The following CSMD1 variants were observed in gnomAD, a reference collection of about 807,000 sequenced individuals.
The protein encoded by CSMD1 is CUB and sushi domain-containing protein 1.
CSMD1 carries 213 observed loss-of-function variants against 417.5 expected under a neutral mutation model. The ratio of observed to expected loss-of-function variants is 0.51; its 90% confidence interval spans 0.46 to 0.57. The LOEUF (loss-of-function observed/expected upper bound fraction) is 0.57. Ranked by LOEUF, CSMD1 falls within the 20% of genes least tolerant of loss-of-function variation. The pLI is 0.00. For missense variants in CSMD1, 6,923 were observed against 4,529.7 expected, an observed-to-expected ratio of 1.53 and a Z score of -15.17; for synonymous variants, 2,862 against 1,736.8, an observed-to-expected ratio of 1.65 and a Z score of -16.11.
intron 1 of CSMD1, among the ~76,000 whole-genome samples, chr8:4,914,198 A>G (rs2117104205): frequency 6.6e-6 from 1 of 152,352 alleles, no homozygotes; most frequent in South Asian, 2.1e-4. Context: ...ACTCTATAGT[A>G]TTACAGGTGC....
intron 3 of CSMD1, among the ~76,000 whole-genome samples, chr8:4,250,031 T>A (rs1802957896): frequency 6.6e-6 from 1 of 152,108 alleles, no homozygotes; most frequent in African/African-American, 2.4e-5. Flanking sequence ...TACCCATGAA[T>A]AAATTGATGC....
chr8:3,918,939 G>C (rs1211667472), intron 5 of CSMD1, among the ~76,000 whole-genome samples: 1 of 63,964 alleles, frequency 1.6e-5, no homozygotes, highest in Non-Finnish European at 3.9e-5. Context: ...TGGGCTGCTC[G>C]GGTGATGGGT....
intron 2 of CSMD1, among the ~76,000 whole-genome samples, chr8:4,596,303 C>T (rs1800272212): frequency 6.6e-6 from 1 of 152,230 alleles, no homozygotes; most frequent in Non-Finnish European, 1.5e-5. Flanking sequence ...TTAACCCAAG[C>T]TTCAAGATTA....
intron 12 of CSMD1, among the ~76,000 whole-genome samples, chr8:3,451,663 C>T (rs1412386133): frequency 6.6e-6 from 1 of 152,008 alleles, no homozygotes; most frequent in South Asian, 2.1e-4. Context: ...CTGTTCTGTT[C>T]CATTGGTCTA....
intron 3 of CSMD1, among the ~76,000 whole-genome samples, chr8:4,210,258 CTT>C (rs924229077): frequency 1.3e-5 from 2 of 152,218 alleles, no homozygotes; most frequent in African/African-American, 2.4e-5. Context: ...GAGGACTGCT[CTT>C]TGTTTGTTTC....
At chr8:3,030,556 A>T (rs2128977153) in intron 50 of CSMD1, among the ~76,000 whole-genome samples, 1 of 152,136 alleles carries the variant, frequency 6.6e-6, no homozygotes, top group South Asian at 2.1e-4. Flanking sequence ...GGCTCACTGC[A>T]AACTCTACCT....
chr8:4,668,201 C>G (rs1805059673), intron 1 of CSMD1, among the ~76,000 whole-genome samples: 2 of 152,016 alleles, frequency 1.3e-5, no homozygotes, highest in Admixed American at 6.6e-5. Flanking sequence ...TCTGTTATGG[C>G]TTCTGATCCT....
chr8:4,094,082 G>T (rs1276894452), intron 3 of CSMD1, among the ~76,000 whole-genome samples: 2 of 152,086 alleles, frequency 1.3e-5, no homozygotes, highest in Admixed American at 6.6e-5. Flanking sequence ...TGGAAGTGAC[G>T]CTGTGTGGAT....
chr8:3,413,453 C>G (rs370188869), intron 12 of CSMD1, among the ~76,000 whole-genome samples: 1 of 152,184 alleles, frequency 6.6e-6, no homozygotes, highest in Non-Finnish European at 1.5e-5. Flanking sequence ...TGGACAGAAC[C>G]TGTGTTGGAC....
chr8:4,815,139 C>A (rs1585145649), intron 1 of CSMD1, among the ~76,000 whole-genome samples: 3 of 152,172 alleles, frequency 2.0e-5, no homozygotes, highest in Non-Finnish European at 4.4e-5. Flanking sequence ...AGGTCAATAT[C>A]AGGAAGAGTT....
intron 5 of CSMD1, among the ~76,000 whole-genome samples, chr8:3,804,817 T>C (rs1034709587): frequency 6.6e-6 from 1 of 152,208 alleles, no homozygotes; most frequent in African/African-American, 2.4e-5. Flanking sequence ...TATCTAATAA[T>C]TGAGTACAAC....
intron 46 of CSMD1, 102 bp downstream of exon 46, chr8:3,106,426 T>A (rs1816152605): frequency 3.1e-6 from 2 of 648,074 alleles, no homozygotes; most frequent in South Asian, 2.8e-5. Flanking sequence ...AATAAACAAA[T>A]AAATAAGTTC....
At chr8:3,894,234 C>G (rs1390456534) in intron 5 of CSMD1, among the ~76,000 whole-genome samples, 1 of 152,130 alleles carries the variant, frequency 6.6e-6, no homozygotes, top group Non-Finnish European at 1.5e-5. Context: ...GGTATCACAA[C>G]AGCTGTCAAC....
At position 3,278,528 on chromosome 8, in the gene CSMD1, GAAAACA is replaced by G. The variant is rs1584917137; in HGVS notation, c.4153+5610_4153+5615del. On this transcript the variant is annotated intron_variant, in intron 26 of 69. Transcript: ENST00000635120. ...ACACTTAAAACATCAATCATATGAG[GAAAACA>G]TTTCTTTTTGAGTTCTATTTAAAAA... 4 of 152,156 alleles carry G rather than the reference GAAAACA, an allele frequency of 2.6e-5. No individual in the cohort carries two copies. In the East Asian group the frequency reaches 7.7e-4, roughly 29 times the overall value. The allele number at this position is 152,156 out of a possible 1,614,324, so 9.4% of individuals were successfully genotyped here.
intron 1 of CSMD1, among the ~76,000 whole-genome samples, chr8:4,749,518 T>C (rs1486480092): frequency 2.6e-5 from 4 of 152,346 alleles, no homozygotes; most frequent in African/African-American, 9.6e-5. Context: ...AGCACGTGTA[T>C]TATTTTATTT....
chr8:3,834,113 C>G (rs941549549), intron 5 of CSMD1, among the ~76,000 whole-genome samples: 2 of 152,066 alleles, frequency 1.3e-5, no homozygotes, highest in African/African-American at 4.8e-5. Context: ...TTTTGTTTTC[C>G]TTACATTTCT....
rs1269503884 is a variant in CSMD1, at chr8:4,361,054, G to T, written c.415+58899C>A. The stretch of plus-strand genomic sequence containing the variant: ...AATGCTATATTGAAAAGAAAAACTG[G>T]ATTTTTCGTGCCCAACAGATGTTTT... On this transcript the variant is annotated intron_variant, in intron 3 of 69. Transcript: ENST00000635120. 6.6e-5 allele frequency among the ~76,000 whole-genome samples: 10 copies of T among 152,262 alleles called. No individual in the cohort carries two copies. The East Asian group carries it at 1.7e-3, about 26-fold the overall frequency.
intron 3 of CSMD1, among the ~76,000 whole-genome samples, chr8:4,182,041 TGTCG>T (rs1290484622): frequency 2.6e-4 from 16 of 61,094 alleles, no homozygotes; most frequent in South Asian, 6.5e-4. Context: ...TGTGTGTGTG[TGTCG>T]GTGTGTGTGT....
intron 15 of CSMD1, among the ~76,000 whole-genome samples, chr8:3,404,056 C>T (rs552185729): frequency 6.6e-6 from 1 of 152,262 alleles, no homozygotes; most frequent in East Asian, 1.9e-4. Context: ...CCCTCCTTTA[C>T]GTGTAGTATT....
Sources: allele counts gnomAD v4.1 joint callset (sites outside exome capture counted in the v4.1 genomes callset), GRCh38; gene constraint gnomAD v4.1.1; transcripts MANE v1.5; gene names NCBI Gene and HGNC (gene_info 2026-07-23, HGNC 2026-07-21).